PAPSS1: variants seen among roughly 807,000 people sequenced by gnomAD.
PAPSS1 encodes the protein bifunctional 3'-phosphoadenosine 5'-phosphosulfate synthase 1.
A neutral mutation model predicts 72.0 loss-of-function variants in PAPSS1; 50 were observed. That is an observed-to-expected ratio of 0.69 (90% CI 0.55 to 0.88). PAPSS1 has a LOEUF of 0.88. PAPSS1 is among the 40% of genes least tolerant of loss of function. The probability of loss-of-function intolerance (pLI) is 0.00; values close to 1 mark genes in which losing one functional copy is unlikely to be tolerated. For missense variants in PAPSS1, 657 were observed against 782.2 expected (o/e 0.84, Z 1.91); for synonymous variants, 261 against 263.6 (o/e 0.99, Z 0.09).
intron 10 of PAPSS1, among the ~76,000 whole-genome samples, chr4:107,636,631 T>G (rs1320811343): frequency 6.6e-6 from 1 of 152,124 alleles, no homozygotes; most frequent in Non-Finnish European, 1.5e-5. Flanking sequence ...GAATCCCTAG[T>G]GTACACCTGA....
In PAPSS1 at chr4:107,644,873, C is replaced by A; in HGVS notation, c.1435G>T (p.Gly479Ter). Residue 479 changes from glycine (G) to a stop codon, truncating the protein, a stop_gained, in exon 10 of 12, where the codon GGA (glycine) becomes TGA (stop). Coordinates refer to ENST00000265174, the MANE Select transcript of PAPSS1 (RefSeq NM_005443.5). LOFTEE classifies it high-confidence loss of function. The part of the protein sequence containing the change: ...MKQHAAVLEE[G>*]VLNPETTVVA... Reference sequence around the variant, plus strand: ...ACTGTCGTCTCAGGATTCAGAACTCCTTCCTCCAACACTGCAGCATGCTGC... The same window carrying A: ...ACTGTCGTCTCAGGATTCAGAACTCATTCCTCCAACACTGCAGCATGCTGC... 1 of 1,613,940 alleles carries A rather than the reference C, an allele frequency of 6.2e-7. No individual in the cohort carries two copies. Among genetic ancestry groups the A allele is most frequent in the Non-Finnish European group, 8.5e-7 (1 of 1,179,886 alleles).
At chr4:107,695,850 T>C (rs1723051314) in intron 2 of PAPSS1, among the ~76,000 whole-genome samples, 1 of 152,100 alleles carries the variant, frequency 6.6e-6, no homozygotes, top group Non-Finnish European at 1.5e-5. Flanking sequence ...AGGTCTAATA[T>C]CCAGAATCTA....
intron 3 of PAPSS1, among the ~76,000 whole-genome samples, chr4:107,688,228 C>T (rs1722837463): frequency 6.6e-6 from 1 of 152,102 alleles, no homozygotes; most frequent in Admixed American, 6.6e-5. Flanking sequence ...CAGCAACAAA[C>T]AAGTACAAGT....
chr4:107,640,470 T>C (rs989041343), intron 10 of PAPSS1, among the ~76,000 whole-genome samples: 2 of 150,714 alleles, frequency 1.3e-5, no homozygotes, highest in African/African-American at 4.9e-5. Flanking sequence ...GAAGAGTCGT[T>C]GTTTTTATTT....
intron 1 of PAPSS1, among the ~76,000 whole-genome samples, chr4:107,717,359 T>C (rs986400452): frequency 6.6e-6 from 1 of 152,174 alleles, no homozygotes; most frequent in Non-Finnish European, 1.5e-5. Flanking sequence ...ACAAGCTCCA[T>C]GACATCTCTG....
intron 7 of PAPSS1, among the ~76,000 whole-genome samples, chr4:107,655,423 T>C (rs1726977218): frequency 6.6e-6 from 1 of 152,214 alleles, no homozygotes; most frequent in Non-Finnish European, 1.5e-5. Flanking sequence ...AAAGTTTTTT[T>C]AAATACAGTC....
At chr4:107,672,181 A>G (rs1448250590) in intron 5 of PAPSS1, among the ~76,000 whole-genome samples, 1 of 152,180 alleles carries the variant, frequency 6.6e-6, no homozygotes, top group Non-Finnish European at 1.5e-5. Context: ...CAACTGAGGC[A>G]CCGGGCGCAT....
At position 107,669,551 on chromosome 4, in the gene PAPSS1, G is replaced by A. The variant is rs895580897; in HGVS notation, c.670-9479C>T. 8.5e-5 allele frequency among the ~76,000 whole-genome samples: 13 copies of A among 152,256 alleles called. No individual in the cohort carries two copies. The South Asian group carries it at 1.4e-3, about 17-fold the overall frequency. ...TATTGCTTAATTCACTGCCACATCC[G>A]CAGTGTCCACAAAAGTGCCTACCAC... On this transcript the variant is annotated intron_variant, in intron 5 of 11. Coordinates refer to ENST00000265174, the MANE Select transcript of PAPSS1 (RefSeq NM_005443.5).
At chr4:107,653,735 G>T in intron 8 of PAPSS1, 109 bp from the exon 9 acceptor site, 2 of 735,106 alleles carry the variant, frequency 2.7e-6, no homozygotes, top group Non-Finnish European at 4.1e-6. Flanking sequence ...CATCTTAAAT[G>T]AGGTAAATCT....
Position 107,614,112 on chromosome 4 carries a change from C to T in PAPSS1, c.*137G>A, listed in dbSNP as rs1578373817. ...ACAGAACTCATAAGGCAGACCAAAA[C>T]TGATGCAAGTTAAGGAAAATGGTCT... On this transcript the variant is annotated 3_prime_UTR_variant, in exon 12 of 12. Coordinates refer to ENST00000265174, the MANE Select transcript of PAPSS1 (RefSeq NM_005443.5). The T allele has an allele frequency of 2.4e-6, 2 of 819,584 alleles. No individual in the cohort carries two copies. Among genetic ancestry groups the T allele is most frequent in the East Asian group, 5.2e-5 (2 of 38,514 alleles). 50.8% of individuals were successfully genotyped at this position (819,584 alleles called of 1,614,324 possible).
rs1203873795 is a variant in PAPSS1 at position 107,656,936 on chromosome 4, CCT to C, written c.853_854del (p.Arg285GlyfsTer9). ...CAAAATGAAGGCACTGCAAGTACTC[CCT>C]CTCTCTCATAAAGCCATTCAATGGG... ...ATPLNGFMREREYLQCLHFDC... is the reference protein window; with the variant it reads ...ATPLNGFMREXEYLQCLHFDC... On this transcript the variant is annotated frameshift_variant, in exon 7 of 12. Coordinates refer to ENST00000265174, the MANE Select transcript of PAPSS1 (RefSeq NM_005443.5). LOFTEE classifies it high-confidence loss of function. The C allele has an allele frequency of 1.2e-6, 2 of 1,613,252 alleles. No homozygotes were observed. Among genetic ancestry groups the C allele is most frequent in the Admixed American group, 3.3e-5 (2 of 59,992 alleles).
intron 11 of PAPSS1, among the ~76,000 whole-genome samples, chr4:107,626,858 A>T (rs1472656725): frequency 2.0e-5 from 3 of 152,168 alleles, no homozygotes; most frequent in African/African-American, 7.2e-5. Flanking sequence ...TTGAACACAA[A>T]CACAAAAAGT....
chr4:107,699,770 T>C (rs1234495411), intron 2 of PAPSS1, among the ~76,000 whole-genome samples: 1 of 152,174 alleles, frequency 6.6e-6, no homozygotes, highest in Non-Finnish European at 1.5e-5. Context: ...GTACTGTTTT[T>C]AAAATTCCAA....
Position 107,687,161 on chromosome 4 carries a change from C to T in PAPSS1, c.428G>A (p.Arg143Lys). ...TAAACTTGCACCTTCATGAATTTGCCTTGCATTGTTGCGATCCTTAAAAAA... is the reference window on the plus strand; with the variant it reads ...TAAACTTGCACCTTCATGAATTTGCTTTGCATTGTTGCGATCCTTAAAAAA... ...SPYTQDRNNA[R>K]QIHEGASLPF... is the part of the protein sequence containing the mutation. Residue 143 changes from arginine (R) to lysine (K), a missense_variant, in exon 4 of 12, where the codon AGG (arginine) becomes AAG (lysine). This residue lies in a region of PAPSS1 where 119 missense variants were observed against 171.1 expected (regional missense o/e 0.70). Transcript: ENST00000265174. 3 of 1,583,220 alleles carry T rather than the reference C, an allele frequency of 1.9e-6. No individual in the cohort carries two copies. Among genetic ancestry groups the T allele is most frequent in the Non-Finnish European group, 2.6e-6 (3 of 1,170,310 alleles).
chr4:107,631,554 A>G, intron 11 of PAPSS1, 77 bp downstream of exon 11: 1 of 996,824 alleles, frequency 1.0e-6, no homozygotes. Flanking sequence ...AGTAAAGATT[A>G]GACAATAAGC....
At chr4:107,706,439 A>C (rs981388516) in intron 1 of PAPSS1, among the ~76,000 whole-genome samples, 2 of 151,944 alleles carry the variant, frequency 1.3e-5, no homozygotes, top group Non-Finnish European at 2.9e-5. Flanking sequence ...TATTCATTAA[A>C]TTTTTCAGCT....
chr4:107,631,706 G>C lies in PAPSS1; in HGVS notation c.1661C>G (p.Thr554Ser), dbSNP rs1320750823. ...KVLTMAPGLI[T>S]LEIVPFRVAA... ...AACTCGAAAGGGAACTATTTCCAAA[G>C]TGATTAAACCAGGGGCCATCGTCAG... Residue 554 changes from threonine to serine, a missense_variant, in exon 11 of 12, where the codon ACT (threonine) becomes AGT (serine). Thr to Ser is a moderately conservative substitution (Grantham distance 58). Transcript: ENST00000265174. 2 of 1,614,078 alleles carry C rather than the reference G, an allele frequency of 1.2e-6. No homozygotes were observed. Among genetic ancestry groups the C allele is most frequent in the South Asian group, 1.1e-5 (1 of 91,074 alleles).
intron 5 of PAPSS1, among the ~76,000 whole-genome samples, chr4:107,677,629 A>G (rs7377073): frequency 0.19 from 29,619 of 152,116 alleles, 3,169 homozygotes; most frequent in East Asian, 0.37. Context: ...TCAGTGTGGC[A>G]ATTCCTCAGG....
chr4:107,701,195 G>A lies in PAPSS1; in HGVS notation c.151C>T (p.Arg51Cys), dbSNP rs754874833. The A allele has an allele frequency of 6.2e-7, 1 of 1,613,308 alleles. No individual in the cohort carries two copies. Among genetic ancestry groups the A allele is most frequent in the Non-Finnish European group, 8.5e-7 (1 of 1,179,578 alleles). ...CCTGTTAGCCAAACTGTGCAACCACGAAAGCCACCTCTGGTCCCCACCACC... is the reference window on the plus strand; with the variant it reads ...CCTGTTAGCCAAACTGTGCAACCACAAAAGCCACCTCTGGTCCCCACCACC... ...GQVVGTRGGF[R>C]GCTVWLTGLS... is the part of the protein sequence containing the mutation. The change falls in exon 2 of 12, where the codon CGT (arginine) becomes TGT (cysteine). Residue 51 changes from arginine (R) to cysteine (C), a missense_variant. Transcript: ENST00000265174.
Sources: allele counts gnomAD v4.1 joint callset (sites outside exome capture counted in the v4.1 genomes callset), GRCh38; gene constraint gnomAD v4.1.1; regional missense constraint gnomAD v4.1.1; transcripts MANE v1.5; gene names NCBI Gene and HGNC (gene_info 2026-07-23, HGNC 2026-07-21).